Variants in SESN2 observed in about 807,000 individuals in gnomAD.
SESN2 encodes sestrin 2.
In SESN2, 42 loss-of-function variants were observed where a neutral mutation model predicts 56.0. The observed-to-expected ratio is 0.75, with a 90% CI of 0.59 to 0.97. The LOEUF (loss-of-function observed/expected upper bound fraction) is 0.97, where lower values mean the gene tolerates loss of function less well. Ranked by LOEUF, SESN2 falls within the 50% of genes least tolerant of loss-of-function variation. The pLI is 0.00. For missense variants in SESN2, 507 were observed against 649.4 expected (o/e 0.78, Z 2.38); for synonymous variants, 264 against 267.1 (o/e 0.99, Z 0.11).
intron 9 of SESN2, 118 bp from the exon 10 acceptor site, chr1:28,280,598 G>A: frequency 1.3e-6 from 1 of 771,216 alleles, no homozygotes; most frequent in South Asian, 1.5e-5. Flanking sequence ...CAGATGCTGG[G>A]GCAGCTCTGT....
At chr1:28,262,719 G>C (rs1443475101) in intron 1 of SESN2, among the ~76,000 whole-genome samples, 1 of 151,710 alleles carries the variant, frequency 6.6e-6, no homozygotes, top group African/African-American at 2.4e-5. Context: ...ACAAGGTCAG[G>C]AGATTGAGAC....
At position 28,276,570 on chromosome 1, in the gene SESN2, C is replaced by CTTTTTT. The variant is rs57474365; in HGVS notation, c.1211+1576_1211+1581dup. ...TATCTCCTTCCTGTCTTTTTCTTTC[C>CTTTTTT]TTTTTTTTTTTTTTTTTTTTTTTTT... On this transcript the variant is annotated intron_variant, in intron 8 of 9. Transcript: ENST00000253063. Among the ~76,000 whole-genome samples the CTTTTTT allele has an allele frequency of 1.2e-4, 11 of 94,732 alleles. 3 individuals carry two copies. Among genetic ancestry groups the CTTTTTT allele is most frequent in the African/African-American group, 4.6e-4 (10 of 21,578 alleles). The allele number at this position is 94,732 out of a possible 152,430, so 62.1% of individuals were successfully genotyped here. A position where few individuals can be genotyped will look rare whatever the true frequency, so the allele number is the denominator to read the frequency against.
chr1:28,269,201 G>C lies in SESN2; in HGVS notation c.109G>C (p.Ala37Pro). Residue 37 changes from alanine (A) to proline (P), a missense_variant, in exon 2 of 10, where the codon GCT becomes CCT. Transcript: ENST00000253063. ...CTCCCAGGAGCAGAGGGAGAGCCGGGCTCGGCGAGGCCCTCGAGGGCCCAG... is the reference window on the plus strand; with the variant it reads ...CTCCCAGGAGCAGAGGGAGAGCCGGCCTCGGCGAGGCCCTCGAGGGCCCAG... ...GPGEEQRESR[A>P]RRGPRGPSAF... The C allele has an allele frequency of 1.9e-6, 3 of 1,612,852 alleles. No individual in the cohort carries two copies. The highest frequency in any genetic ancestry group is 2.5e-6 in the Non-Finnish European group (3 of 1,179,436).
rs1473429982 is a variant in SESN2 at position 28,279,192 on chromosome 1, C to T, written c.1307C>T (p.Thr436Ile). 6.2e-7 allele frequency: 1 copy of T among 1,614,168 alleles called. No individual in the cohort carries two copies. Among genetic ancestry groups the T allele is most frequent in the Non-Finnish European group, 8.5e-7 (1 of 1,180,036 alleles). ...GTGGCCTGCTACCCAGAGAAGACCA[C>T]CCGAAGAATGTACAACCTCTTCTGG... The part of the protein sequence containing the change: ...KTVACYPEKT[T>I]RRMYNLFWRH... Residue 436 changes from threonine to isoleucine, a missense_variant, in exon 9 of 10, where the codon ACC becomes ATC. Coordinates refer to ENST00000253063, the MANE Select transcript of SESN2 (RefSeq NM_031459.5).
At chr1:28,262,688 G>C (rs956229185) in intron 1 of SESN2, among the ~76,000 whole-genome samples, 1 of 150,026 alleles carries the variant, frequency 6.7e-6, no homozygotes, top group African/African-American at 2.5e-5. Context: ...AAGCACTTTG[G>C]GAGGCCGAGG....
At chr1:28,261,859 C>T (rs999216879) in intron 1 of SESN2, among the ~76,000 whole-genome samples, 8 of 150,068 alleles carry the variant, frequency 5.3e-5, no homozygotes, top group African/African-American at 1.7e-4. Flanking sequence ...CAGCTCACTG[C>T]AACCTCCATC....
chr1:28,265,987 G>C (rs1466306969), intron 1 of SESN2, among the ~76,000 whole-genome samples: 9 of 152,122 alleles, frequency 5.9e-5, no homozygotes, highest in Non-Finnish European at 1.3e-4. Flanking sequence ...TAGAATCTGT[G>C]CTTTGAAATC....
At chr1:28,275,201 T>TA (rs1647987735) in intron 8 of SESN2, among the ~76,000 whole-genome samples, 186 bp downstream of exon 8, 3 of 152,170 alleles carry the variant, frequency 2.0e-5, no homozygotes, top group Admixed American at 2.0e-4. Context: ...ATGAAACTCT[T>TA]TAATTGCACT....
Position 28,259,880 on chromosome 1 carries a change from G to A in SESN2, c.33G>A (p.Glu11=), listed in dbSNP as rs1440469004. 2.1e-6 allele frequency: 3 copies of A among 1,443,020 alleles called. No individual in the cohort carries two copies. The highest frequency in any genetic ancestry group is 2.9e-5 in the East Asian group (1 of 34,504). The allele number at this position is 1,443,020 out of a possible 1,614,324, so 89.4% of individuals were successfully genotyped here. MIVADSECRA[E]LKDYLRFAPG... is the part of the protein sequence containing the mutation. ...TGGCGGACTCCGAGTGCCGCGCAGAGCTCAAGGACTACCTGCGGTTCGCCC... is the reference window on the plus strand; with the variant it reads ...TGGCGGACTCCGAGTGCCGCGCAGAACTCAAGGACTACCTGCGGTTCGCCC... Residue 11 remains glutamate (E), a synonymous_variant, in exon 1 of 10, where the codon GAG becomes GAA. Transcript: ENST00000253063.
rs773060561 is a variant in SESN2, at chr1:28,279,196, A to G, written c.1311A>G (p.Arg437=). ...CCTGCTACCCAGAGAAGACCACCCG[A>G]AGAATGTACAACCTCTTCTGGAGGC... The part of the protein sequence containing the change: ...TVACYPEKTT[R]RMYNLFWRHF... Residue 437 remains arginine, a synonymous_variant, in exon 9 of 10, where the codon CGA becomes CGG. Coordinates refer to ENST00000253063, the MANE Select transcript of SESN2 (RefSeq NM_031459.5). 6.2e-7 allele frequency: 1 copy of G among 1,614,232 alleles called. No homozygotes were observed. The highest frequency in any genetic ancestry group is 8.5e-7 in the Non-Finnish European group (1 of 1,180,040).
At chr1:28,261,659 C>T (rs1647378857) in intron 1 of SESN2, among the ~76,000 whole-genome samples, 1 of 152,164 alleles carries the variant, frequency 6.6e-6, no homozygotes, top group African/African-American at 2.4e-5. Flanking sequence ...CACTGTACAC[C>T]CCTCTCTGGG....
intron 7 of SESN2, among the ~76,000 whole-genome samples, chr1:28,274,359 C>A (rs895871601): frequency 2.6e-5 from 4 of 152,166 alleles, no homozygotes; most frequent in African/African-American, 7.2e-5. Flanking sequence ...TGGCGAAACC[C>A]TGTCTCTACA....
At position 28,280,935 on chromosome 1, in the gene SESN2, G is replaced by A. The variant is rs549585881; in HGVS notation, c.*133G>A. On this transcript the variant is annotated 3_prime_UTR_variant, in exon 10 of 10. Transcript: ENST00000253063. The stretch of plus-strand genomic sequence containing the variant: ...GGGCTTGTGTGTGATGTGCAGTCCC[G>A]AAGCCACACCCTCCCTTTTCCTCAC... 2.4e-5 allele frequency: 16 copies of A among 664,260 alleles called. No homozygotes were observed. The highest frequency in any genetic ancestry group is 1.4e-4 in the African/African-American group (8 of 56,658). 41.1% of individuals were successfully genotyped at this position (664,260 alleles called of 1,614,324 possible).
chr1:28,269,336 A>T, intron 2 of SESN2, 88 bp downstream of exon 2: 1 of 847,572 alleles, frequency 1.2e-6, no homozygotes. Flanking sequence ...CTGTTCTTTA[A>T]ATTGCAGCTT....
chr1:28,262,088 G>T (rs1297430501), intron 1 of SESN2, among the ~76,000 whole-genome samples: 1 of 152,132 alleles, frequency 6.6e-6, no homozygotes, highest in African/African-American at 2.4e-5. Context: ...GCCTATCTGG[G>T]AGATTTCTGT....
At position 28,280,992 on chromosome 1, in the gene SESN2, G is replaced by T; in HGVS notation, c.*190G>T. 1.8e-6 allele frequency: 1 copy of T among 556,264 alleles called. No homozygotes were observed. Among genetic ancestry groups the T allele is most frequent in the South Asian group, 2.3e-5 (1 of 42,716 alleles). 34.5% of individuals were successfully genotyped at this position (556,264 alleles called of 1,614,324 possible). A position where few individuals can be genotyped will look rare whatever the true frequency, so the allele number is the denominator to read the frequency against. On this transcript the variant is annotated 3_prime_UTR_variant, in exon 10 of 10. Transcript: ENST00000253063. ...GGACAGTTCATTGCACTGACTCTGG[G>T]ATCTCAGCCCTGCTCCTGGGAGCTG... is the stretch of plus-strand genomic sequence containing the variant.
chr1:28,272,843 T>C (rs748429802), intron 5 of SESN2, 50 bp downstream of exon 5: 2 of 1,065,072 alleles, frequency 1.9e-6, no homozygotes, highest in East Asian at 4.9e-5. Context: ...GCATGACCTC[T>C]GGTCCTTAGG....
chr1:28,269,199 G>T lies in SESN2; in HGVS notation c.107G>T (p.Arg36Leu), dbSNP rs752131471. Residue 36 changes from arginine (R) to leucine (L), a missense_variant, in exon 2 of 10, where the codon CGG (arginine) becomes CTG (leucine). Arg to Leu is a moderately radical substitution (Grantham distance 102, BLOSUM62 -2). Coordinates refer to ENST00000253063, the MANE Select transcript of SESN2 (RefSeq NM_031459.5). ...TCCTCCCAGGAGCAGAGGGAGAGCC[G>T]GGCTCGGCGAGGCCCTCGAGGGCCC... Reference protein sequence around the residue: ...SGPGEEQRESRARRGPRGPSA... With the variant: ...SGPGEEQRESLARRGPRGPSA... 7.8e-5 allele frequency: 125 copies of T among 1,612,564 alleles called. No individual in the cohort carries two copies. The highest frequency in any genetic ancestry group is 1.0e-4 in the Non-Finnish European group (120 of 1,179,286).
chr1:28,271,657 T>C lies in SESN2; in HGVS notation c.157-17T>C. 6.2e-7 allele frequency: 1 copy of C among 1,609,900 alleles called. No homozygotes were observed. Among genetic ancestry groups the C allele is most frequent in the Admixed American group, 1.7e-5 (1 of 60,016 alleles). On this transcript the variant is annotated splice_polypyrimidine_tract_variant and intron_variant, in intron 2 of 9. Coordinates refer to ENST00000253063, the MANE Select transcript of SESN2 (RefSeq NM_031459.5). ...GGCAGGAGGGAAACCCATGCTCTCC[T>C]CCCCTTTGGTTGGCAGGTCCTTCGG...
Sources: allele counts gnomAD v4.1 joint callset (sites outside exome capture counted in the v4.1 genomes callset), GRCh38; gene constraint gnomAD v4.1.1; transcripts MANE v1.5; gene names NCBI Gene and HGNC (gene_info 2026-07-23, HGNC 2026-07-21).